Variants in TUBGCP3 observed in about 807,000 individuals in gnomAD.
The protein encoded by TUBGCP3 is gamma-tubulin complex component 3.
TUBGCP3 carries 50 observed loss-of-function variants against 123.1 expected under a neutral mutation model. The observed-to-expected ratio is 0.41, with a 90% CI of 0.32 to 0.51. TUBGCP3 has a LOEUF of 0.51. Among genes scored for constraint, TUBGCP3 ranks in the 20% least tolerant of loss-of-function variants. The pLI is 0.36. For synonymous variants in TUBGCP3, 405 were observed against 413.9 expected, an observed-to-expected ratio of 0.98 and a Z score of 0.26; for missense variants, 882 against 1,127.0, an observed-to-expected ratio of 0.78 and a Z score of 3.11.
intron 11 of TUBGCP3, among the ~76,000 whole-genome samples, chr13:112,533,040 A>G (rs1004541836): frequency 1.3e-5 from 2 of 152,238 alleles, no homozygotes; most frequent in Non-Finnish European, 2.9e-5. Flanking sequence ...GCAGCTGGGC[A>G]GAGAGGCAGT....
intron 11 of TUBGCP3, among the ~76,000 whole-genome samples, chr13:112,543,119 C>T (rs1878665874): frequency 6.6e-6 from 1 of 152,148 alleles, no homozygotes; most frequent in African/African-American, 2.4e-5. Context: ...CACTGCACTC[C>T]AGCCTGGACA....
chr13:112,577,666 C>T (rs933275611), intron 1 of TUBGCP3, among the ~76,000 whole-genome samples: 2 of 152,098 alleles, frequency 1.3e-5, no homozygotes, highest in South Asian at 2.1e-4. Flanking sequence ...AAGTGTACCA[C>T]GGTTATGTAA....
intron 13 of TUBGCP3, 61 bp downstream of exon 13, chr13:112,526,881 C>T: frequency 8.1e-7 from 1 of 1,235,786 alleles, no homozygotes; most frequent in Non-Finnish European, 1.2e-6. Flanking sequence ...TATCACCATC[C>T]TCACATCATC....
chr13:112,502,510 A>C (rs1275809169), intron 19 of TUBGCP3, among the ~76,000 whole-genome samples: 1 of 151,722 alleles, frequency 6.6e-6, no homozygotes, highest in Non-Finnish European at 1.5e-5. Context: ...TAGAGGTTTC[A>C]AGGGCCTCAA....
chr13:112,604,177 G>A, the TUBGCP3 span: 1 of 152,148 alleles, frequency 6.6e-6, no homozygotes, highest in Non-Finnish European at 1.5e-5. Context: ...TTTCATTCCA[G>A]ATCTTTAGAG....
intron 11 of TUBGCP3, among the ~76,000 whole-genome samples, chr13:112,533,414 T>C (rs1877757124): frequency 6.6e-6 from 1 of 152,188 alleles, no homozygotes; most frequent in Non-Finnish European, 1.5e-5. Context: ...AGGAAAGCCC[T>C]GGGTCCTGTT....
intron 2 of TUBGCP3, among the ~76,000 whole-genome samples, chr13:112,566,927 A>T (rs551433498): frequency 6.6e-6 from 1 of 152,342 alleles, no homozygotes; most frequent in East Asian, 1.9e-4. Flanking sequence ...TTTATATTTG[A>T]GGTCGGTTAT....
intron 11 of TUBGCP3, among the ~76,000 whole-genome samples, chr13:112,542,411 A>C (rs1056921043): frequency 3.3e-5 from 5 of 152,246 alleles, no homozygotes; most frequent in African/African-American, 1.2e-4. Flanking sequence ...CTATCAAAGG[A>C]AACGCCCATT....
chr13:112,485,253 C>T lies in TUBGCP3; in HGVS notation c.*740G>A, dbSNP rs1057339828. ...AAATAAAATACTCCATTAACTTTCTCGTCACTCCTATTTACACGCTGCTTT... is the reference window on the plus strand; with the variant it reads ...AAATAAAATACTCCATTAACTTTCTTGTCACTCCTATTTACACGCTGCTTT... On this transcript the variant is annotated 3_prime_UTR_variant, in exon 22 of 22. Coordinates refer to ENST00000261965, the MANE Select transcript of TUBGCP3 (RefSeq NM_006322.6). 22 of 152,604 alleles carry T rather than the reference C, an allele frequency of 1.4e-4. No individual in the cohort carries two copies. Among genetic ancestry groups the T allele is most frequent in the African/African-American group, 5.1e-4 (21 of 41,432 alleles). 9.5% of individuals were successfully genotyped at this position (152,604 alleles called of 1,614,324 possible).
intron 20 of TUBGCP3, among the ~76,000 whole-genome samples, chr13:112,492,666 T>C (rs1257682189): frequency 1.3e-5 from 2 of 151,572 alleles, no homozygotes; most frequent in East Asian, 2.0e-4. Flanking sequence ...TGAGATGCTC[T>C]GGCTATGGGA....
chr13:112,578,976 C>T (rs1882074701), intron 1 of TUBGCP3, among the ~76,000 whole-genome samples: 1 of 152,150 alleles, frequency 6.6e-6, no homozygotes, highest in Non-Finnish European at 1.5e-5. Context: ...CTACATGACA[C>T]CAAAATGATG....
chr13:112,599,249 ATTCTTT>A, the TUBGCP3 span, among the ~76,000 whole-genome samples: 4 of 152,252 alleles, frequency 2.6e-5, no homozygotes, highest in African/African-American at 9.6e-5. Context: ...CTATGAGGTT[ATTCTTT>A]TTCTTTTTCT....
chr13:112,501,683 T>A (rs1252994542), intron 19 of TUBGCP3, among the ~76,000 whole-genome samples: 1 of 152,190 alleles, frequency 6.6e-6, no homozygotes, highest in Non-Finnish European at 1.5e-5. Flanking sequence ...TATTTTTTTT[T>A]AAAGCTCATT....
At chr13:112,582,406 A>C (rs912073885) in intron 1 of TUBGCP3, among the ~76,000 whole-genome samples, 8 of 152,198 alleles carry the variant, frequency 5.3e-5, no homozygotes, top group Non-Finnish European at 1.2e-4. Flanking sequence ...CGTCAAAGAA[A>C]ATGAGGGCAC....
At chr13:112,564,357 C>T (rs1880780689) in intron 3 of TUBGCP3, among the ~76,000 whole-genome samples, 1 of 152,226 alleles carries the variant, frequency 6.6e-6, no homozygotes, top group African/African-American at 2.4e-5. Context: ...CTGTGTAACA[C>T]TAACAGTATT....
the TUBGCP3 span, among the ~76,000 whole-genome samples, chr13:112,595,863 G>GT: frequency 6.6e-6 from 1 of 151,684 alleles, no homozygotes; most frequent in South Asian, 2.1e-4. Flanking sequence ...TTCATTCTCT[G>GT]TTTTCCATTT....
intron 7 of TUBGCP3, 85 bp from the exon 8 acceptor site, chr13:112,554,267 T>C (rs1879839764): frequency 1.4e-6 from 2 of 1,466,994 alleles, no homozygotes; most frequent in Non-Finnish European, 1.9e-6. Flanking sequence ...CTTCTACTTT[T>C]AATACTATAA....
the TUBGCP3 span, among the ~76,000 whole-genome samples, chr13:112,597,857 G>T: frequency 2.2e-4 from 33 of 152,124 alleles, no homozygotes; most frequent in African/African-American, 7.7e-4. Flanking sequence ...GAATCCAGAA[G>T]GAGGGGAGAG....
At chr13:112,583,085 C>T (rs1464999411) in intron 1 of TUBGCP3, among the ~76,000 whole-genome samples, 1 of 152,198 alleles carries the variant, frequency 6.6e-6, no homozygotes, top group Non-Finnish European at 1.5e-5. Flanking sequence ...AATTTACTAG[C>T]TCGATGATAG....
Sources: allele counts gnomAD v4.1 joint callset (sites outside exome capture counted in the v4.1 genomes callset), GRCh38; gene constraint gnomAD v4.1.1; transcripts MANE v1.5; gene names NCBI Gene and HGNC (gene_info 2026-07-23, HGNC 2026-07-21).